The following SAMMSON variants were observed in gnomAD, a reference collection of about 807,000 sequenced individuals.
The protein encoded by SAMMSON is survival associated mitochondrial melanoma specific oncogenic non-coding RNA.
chr3:70,252,180 C>T (rs1007720947), intron 6 of SAMMSON, among the ~76,000 whole-genome samples: 1 of 152,158 alleles, frequency 6.6e-6, no homozygotes. Flanking sequence ...ATGTCCTGAA[C>T]CTGTTACTTG....
chr3:70,219,602 A>C (rs1428699966), intron 4 of SAMMSON, among the ~76,000 whole-genome samples: 1 of 152,154 alleles, frequency 6.6e-6, no homozygotes, highest in East Asian at 1.9e-4. Context: ...GGGATGAAAA[A>C]CCAACAGAAT....
chr3:70,267,690 A>G (rs770681927), intron 6 of SAMMSON, among the ~76,000 whole-genome samples: 3 of 150,438 alleles, frequency 2.0e-5, no homozygotes, highest in Non-Finnish European at 4.4e-5. Context: ...TGCTGGGATT[A>G]CAGGCGAGAG....
intron 6 of SAMMSON, among the ~76,000 whole-genome samples, chr3:70,254,415 C>T (rs1407650866): frequency 1.3e-5 from 2 of 152,090 alleles, no homozygotes; most frequent in Non-Finnish European, 2.9e-5. Flanking sequence ...CAGATGTGAG[C>T]ATGAACTGAA....
chr3:70,058,953 T>A (rs932781608), intron 3 of SAMMSON, among the ~76,000 whole-genome samples: 2 of 152,064 alleles, frequency 1.3e-5, no homozygotes, highest in African/African-American at 2.4e-5. Context: ...ACTACTCTTG[T>A]CAGCGGGAAG....
chr3:70,353,860 C>G (rs148040138), intron 7 of SAMMSON, among the ~76,000 whole-genome samples: 2 of 152,316 alleles, frequency 1.3e-5, no homozygotes, highest in Non-Finnish European at 2.9e-5. Context: ...AACTGTGGTA[C>G]ATCTATTCCC....
At chr3:70,173,188 C>A (rs185893566) in intron 4 of SAMMSON, among the ~76,000 whole-genome samples, 12 of 151,834 alleles carry the variant, frequency 7.9e-5, no homozygotes, top group Admixed American at 1.3e-4. Flanking sequence ...ATCATATTAA[C>A]GCATTGAGAG....
intron 6 of SAMMSON, among the ~76,000 whole-genome samples, chr3:70,273,923 C>A (rs1010262313): frequency 2.0e-5 from 3 of 152,024 alleles, no homozygotes; most frequent in Non-Finnish European, 1.5e-5. Flanking sequence ...CCTCCTTGGC[C>A]CCCAGAGCAG....
At chr3:70,098,853 GT>G (rs1398829528) in intron 4 of SAMMSON, among the ~76,000 whole-genome samples, 1 of 152,040 alleles carries the variant, frequency 6.6e-6, no homozygotes, top group Non-Finnish European at 1.5e-5. Context: ...GGCGATTATT[GT>G]TTTCATTTAC....
At chr3:70,210,833 A>G (rs891211344) in intron 4 of SAMMSON, among the ~76,000 whole-genome samples, 1 of 152,072 alleles carries the variant, frequency 6.6e-6, no homozygotes. Flanking sequence ...GGTAATTGCA[A>G]GAACAAATGG....
intron 4 of SAMMSON, among the ~76,000 whole-genome samples, chr3:70,110,670 C>A (rs1472757411): frequency 1.3e-5 from 2 of 152,090 alleles, no homozygotes; most frequent in Non-Finnish European, 2.9e-5. Flanking sequence ...TGTCTCAATT[C>A]TAAATACCCT....
chr3:70,167,099 C>A (rs1337426274), intron 4 of SAMMSON, among the ~76,000 whole-genome samples: 2 of 151,920 alleles, frequency 1.3e-5, no homozygotes, highest in Non-Finnish European at 2.9e-5. Flanking sequence ...AAATATTATT[C>A]TTTCCTCATA....
At chr3:70,234,450 A>G (rs1460486901) in intron 4 of SAMMSON, among the ~76,000 whole-genome samples, 1 of 151,942 alleles carries the variant, frequency 6.6e-6, no homozygotes, top group East Asian at 1.9e-4. Flanking sequence ...GGAGTTTGAG[A>G]CCAGCCTGGG....
intron 4 of SAMMSON, among the ~76,000 whole-genome samples, chr3:70,108,835 C>T (rs1321332833): frequency 6.6e-6 from 1 of 152,092 alleles, no homozygotes; most frequent in Non-Finnish European, 1.5e-5. Context: ...TTTCAGTTTC[C>T]AGACCAATGA....
intron 6 of SAMMSON, among the ~76,000 whole-genome samples, chr3:70,250,860 G>C (rs979159392): frequency 1.3e-5 from 2 of 152,124 alleles, no homozygotes; most frequent in African/African-American, 4.8e-5. Context: ...TGGGCAGACT[G>C]TCAAATAGTA....
intron 6 of SAMMSON, among the ~76,000 whole-genome samples, chr3:70,285,909 G>GT (rs1211429217): frequency 6.6e-6 from 1 of 151,146 alleles, no homozygotes; most frequent in East Asian, 2.0e-4. Context: ...GGGGTTGTTT[G>GT]TTTTTTTCTT....
intron 4 of SAMMSON, among the ~76,000 whole-genome samples, chr3:70,161,120 T>C (rs9867098): frequency 0.94 from 143,593 of 152,028 alleles, 67,961 homozygotes; most frequent in Admixed American, 0.97. Context: ...GACAATTTTA[T>C]CTCCTTTTTT....
chr3:70,125,743 A>G (rs185579462), intron 4 of SAMMSON: 66 of 673,378 alleles, frequency 9.8e-5, no homozygotes, highest in African/African-American at 8.5e-4. Context: ...AGGACACGAA[A>G]GTATGTTCAA....
chr3:70,071,557 G>C (rs1012933743), exon 4 of SAMMSON: 7 of 151,868 alleles, frequency 4.6e-5, no homozygotes, highest in Non-Finnish European at 8.8e-5. Flanking sequence ...AACATCTATT[G>C]CATTTTCTGT....
chr3:70,157,333 G>T (rs986746770), intron 4 of SAMMSON, among the ~76,000 whole-genome samples: 2 of 152,084 alleles, frequency 1.3e-5, no homozygotes, highest in African/African-American at 2.4e-5. Flanking sequence ...CGAGGCAAGC[G>T]TAGCATGATT....
Sources: allele counts gnomAD v4.1 joint callset (sites outside exome capture counted in the v4.1 genomes callset), GRCh38; gene constraint gnomAD v4.1.1; transcripts MANE v1.5; gene names NCBI Gene and HGNC (gene_info 2026-07-23, HGNC 2026-07-21).